The following MACROD2 variants were observed in gnomAD, a reference collection of about 807,000 sequenced individuals.
MACROD2 encodes the protein ADP-ribose glycohydrolase MACROD2.
In MACROD2, 36 loss-of-function variants were observed where a neutral mutation model predicts 70.4. The observed-to-expected ratio is 0.51, with a 90% CI of 0.39 to 0.68. The LOEUF (loss-of-function observed/expected upper bound fraction) is 0.68, where lower values mean the gene tolerates loss of function less well. Among genes scored for constraint, MACROD2 ranks in the 30% least tolerant of loss-of-function variants. MACROD2 has a pLI of 0.00. For missense variants in MACROD2, 496 were observed against 538.4 expected, an observed-to-expected ratio of 0.92 and a Z score of 0.78; for synonymous variants, 172 against 178.8, an observed-to-expected ratio of 0.96 and a Z score of 0.30.
rs187183722 is a variant in MACROD2 at position 15,066,501 on chromosome 20, G to A, written c.419-163439G>A. On this transcript the variant is annotated intron_variant, in intron 5 of 17. Coordinates refer to ENST00000684519, the MANE Select transcript of MACROD2 (RefSeq NM_001351661.2). The stretch of plus-strand genomic sequence containing the variant: ...ATGTTACTGTTGCCTACATTCGTTC[G>A]CCAAATCAAGTCATACGACAAAAAC... 1.5e-3 allele frequency among the ~76,000 whole-genome samples: 235 copies of A among 152,164 alleles called. 1 individual carries two copies. Among genetic ancestry groups the A allele is most frequent in the African/African-American group, 4.9e-3 (204 of 41,520 alleles).
chr20:14,880,910 G>A (rs1236204749), intron 5 of MACROD2, among the ~76,000 whole-genome samples: 3 of 152,094 alleles, frequency 2.0e-5, no homozygotes, highest in Admixed American at 6.6e-5. Context: ...GCCGCCCAGC[G>A]TGGGCAGCTG....
intron 5 of MACROD2, among the ~76,000 whole-genome samples, chr20:15,088,395 TTTTATATATATATATATATATA>T (rs1229847833): frequency 9.7e-6 from 1 of 103,270 alleles, no homozygotes; most frequent in Non-Finnish European, 1.8e-5. Context: ...ATATACTATA[TTTTATATATATATATATATATA>T]TATATATATA....
At chr20:15,134,778 T>A (rs1221471630) in intron 5 of MACROD2, among the ~76,000 whole-genome samples, 2 of 152,094 alleles carry the variant, frequency 1.3e-5, no homozygotes, top group Non-Finnish European at 2.9e-5. Context: ...TGAATCCAGT[T>A]GCTGGTTTTT....
chr20:14,326,311 T>C lies in MACROD2; in HGVS notation c.272-167168T>C. 6.2e-7 allele frequency: 1 copy of C among 1,613,908 alleles called. No individual in the cohort carries two copies. Among genetic ancestry groups the C allele is most frequent in the Non-Finnish European group, 8.5e-7 (1 of 1,179,852 alleles). ...TGAGGGACTCCCTGTGGTTTGGTGA[T>C]CCTTAGTGAGCTTGGGGTTCTTAAT... On this transcript the variant is annotated intron_variant, in intron 3 of 17. Transcript: ENST00000684519. This position sits in a 1 kb window ranked among gnomAD's most constrained non-coding sequence, Gnocchi z 5.5.
chr20:15,043,478 G>A (rs35703824), intron 5 of MACROD2, among the ~76,000 whole-genome samples: 2,811 of 152,186 alleles, frequency 0.018, 36 homozygotes, highest in Middle Eastern at 0.041. Context: ...ATGCCTCCAC[G>A]CTGCACACCC....
intron 2 of MACROD2, among the ~76,000 whole-genome samples, chr20:14,081,804 A>G (rs985970491): frequency 1.3e-5 from 2 of 152,222 alleles, no homozygotes; most frequent in Non-Finnish European, 2.9e-5. Context: ...TATTAGTCCT[A>G]TCAAGCTGTA....
At position 15,954,078 on chromosome 20, in the gene MACROD2, A is replaced by G. The variant is rs16996861; in HGVS notation, c.908-13475A>G. ...CCTATATAAATGAGCAAACCTTTATATAAGTCAAAGTTCAGGGTCATATTA... is the reference window on the plus strand; with the variant it reads ...CCTATATAAATGAGCAAACCTTTATGTAAGTCAAAGTTCAGGGTCATATTA... On this transcript the variant is annotated intron_variant, in intron 12 of 17. Transcript: ENST00000684519. Among the ~76,000 whole-genome samples, 331 of 152,298 alleles carry G rather than the reference A, an allele frequency of 2.2e-3. 1 individual carries two copies. In the South Asian group the frequency reaches 0.023, roughly 10 times the overall value.
chr20:15,300,594 A>G (rs2146125228), intron 6 of MACROD2, among the ~76,000 whole-genome samples: 1 of 152,330 alleles, frequency 6.6e-6, no homozygotes, highest in East Asian at 1.9e-4. Flanking sequence ...ATTCATGTGC[A>G]TATTCAAAAA....
intron 5 of MACROD2, among the ~76,000 whole-genome samples, chr20:14,761,023 A>G (rs1016039810): frequency 9.9e-5 from 15 of 151,960 alleles, no homozygotes; most frequent in African/African-American, 3.6e-4. Flanking sequence ...GCTCCTCCTC[A>G]TTGTTTCTCT....
rs13041318 is a variant in MACROD2, at chr20:15,078,671, T to G, written c.419-151269T>G. On this transcript the variant is annotated intron_variant, in intron 5 of 17. Coordinates refer to ENST00000684519, the MANE Select transcript of MACROD2 (RefSeq NM_001351661.2). ...ACAACTGAGGCCTCTTGGTCACTAG[T>G]TACATACCTCCTTTGAACAATCTCT... is the stretch of plus-strand genomic sequence containing the variant. Among the ~76,000 whole-genome samples the G allele has an allele frequency of 2.0e-5, 3 of 152,192 alleles. No homozygotes were observed. In the East Asian group the frequency reaches 5.8e-4, roughly 30 times the overall value.
At chr20:16,035,556 A>C (rs1227056001) in intron 15 of MACROD2, among the ~76,000 whole-genome samples, 1 of 152,042 alleles carries the variant, frequency 6.6e-6, no homozygotes, top group East Asian at 1.9e-4. Context: ...CCACAAATGA[A>C]GCTCAAGATT....
intron 8 of MACROD2, among the ~76,000 whole-genome samples, chr20:15,739,883 G>A (rs6131691): frequency 0.22 from 33,457 of 152,110 alleles, 4,417 homozygotes; most frequent in East Asian, 0.62. Context: ...TTCAAGGACT[G>A]ATGTAAAGTT....
chr20:14,293,014 G>T lies in MACROD2; in HGVS notation c.272-200465G>T, dbSNP rs572328280. Among the ~76,000 whole-genome samples, 15 of 151,964 alleles carry T rather than the reference G, an allele frequency of 9.9e-5. 1 individual carries two copies. The South Asian group carries it at 3.1e-3, about 32-fold the overall frequency. On this transcript the variant is annotated intron_variant, in intron 3 of 17. Transcript: ENST00000684519. ...TATGTGCCAGGCACTAGGCTAAGCAGTGGGGATACAGAGAGATAGTATCCG... is the reference window on the plus strand; with the variant it reads ...TATGTGCCAGGCACTAGGCTAAGCATTGGGGATACAGAGAGATAGTATCCG...
intron 8 of MACROD2, among the ~76,000 whole-genome samples, chr20:15,847,543 C>G (rs954391864): frequency 6.6e-6 from 1 of 152,024 alleles, no homozygotes. Context: ...CAGTGAAAAC[C>G]GAGAAACAGC....
rs148307238 is a variant in MACROD2, at chr20:15,972,673, G to A, written c.985+5043G>A. ...AAAAATACAAAAATTAGCAAGGCAC[G>A]GTGGTGGGCACCTGTAATCCCAGCT... On this transcript the variant is annotated intron_variant, in intron 13 of 17. Coordinates refer to ENST00000684519, the MANE Select transcript of MACROD2 (RefSeq NM_001351661.2). Among the ~76,000 whole-genome samples the A allele has an allele frequency of 2.5e-3, 381 of 152,140 alleles. 6 individuals are homozygous for A. Among genetic ancestry groups the A allele is most frequent in the Admixed American group, 0.02 (305 of 15,276 alleles).
chr20:14,097,145 G>A (rs894712925), intron 3 of MACROD2, among the ~76,000 whole-genome samples: 1 of 152,152 alleles, frequency 6.6e-6, no homozygotes, highest in Admixed American at 6.6e-5. Context: ...CATCAAACAG[G>A]CCTGCCATCT....
At chr20:14,502,543 T>A (rs1207378578) in intron 4 of MACROD2, among the ~76,000 whole-genome samples, 1 of 152,230 alleles carries the variant, frequency 6.6e-6, no homozygotes, top group Admixed American at 6.5e-5. Flanking sequence ...GGTACCTAAC[T>A]ACTTTACAGG....
chr20:15,467,340 A>G (rs1229650689), intron 7 of MACROD2, among the ~76,000 whole-genome samples: 1 of 152,214 alleles, frequency 6.6e-6, no homozygotes, highest in Non-Finnish European at 1.5e-5. Flanking sequence ...TCCTTCAAAT[A>G]TATTTGTTTG....
intron 8 of MACROD2, among the ~76,000 whole-genome samples, chr20:15,604,988 C>T (rs2048872861): frequency 6.6e-6 from 1 of 152,134 alleles, no homozygotes. Context: ...TAAACGGATA[C>T]ACTGTGGATG....
Sources: gnomAD v4.1 joint callset for allele counts (sites outside exome capture counted in the v4.1 genomes callset) on GRCh38, gnomAD v4.1.1 for gene constraint, Gnocchi (gnomAD v3.1) non-coding constraint, MANE v1.5 for transcripts, NCBI Gene and HGNC (gene_info 2026-07-23, HGNC 2026-07-21) for gene names.